Variants in ANKS1A observed in about 807,000 individuals in gnomAD.
ANKS1A encodes ankyrin repeat and SAM domain-containing protein 1A.
ANKS1A carries 55 observed loss-of-function variants against 120.3 expected under a neutral mutation model. The observed-to-expected ratio is 0.46, with a 90% CI of 0.37 to 0.57. ANKS1A has a LOEUF of 0.57. ANKS1A is among the 20% of genes least tolerant of loss of function. The pLI, the probability that ANKS1A is intolerant of heterozygous loss-of-function variation, is 0.00. For synonymous variants in ANKS1A, 590 were observed against 604.7 expected, an observed-to-expected ratio of 0.98 and a Z score of 0.36; for missense variants, 1,123 against 1,480.3, an observed-to-expected ratio of 0.76 and a Z score of 3.96.
chr6:34,993,737 G>A (rs1268229156), intron 9 of ANKS1A, among the ~76,000 whole-genome samples: 1 of 152,188 alleles, frequency 6.6e-6, no homozygotes, highest in South Asian at 2.1e-4. Flanking sequence ...TCTTGAGGAG[G>A]TGGGAAGGAT....
chr6:34,991,396 G>T (rs146735379), intron 9 of ANKS1A, among the ~76,000 whole-genome samples: 1 of 151,970 alleles, frequency 6.6e-6, no homozygotes, highest in Non-Finnish European at 1.5e-5. Context: ...ATTCATGGAA[G>T]TTGCAGCTGC....
intron 8 of ANKS1A, among the ~76,000 whole-genome samples, chr6:34,988,184 C>T (rs1711901388): frequency 6.6e-6 from 1 of 152,218 alleles, no homozygotes; most frequent in Admixed American, 6.5e-5. Context: ...TGGAGCATAG[C>T]CACACTCATT....
In ANKS1A at chr6:35,082,587, T is replaced by C. The variant is rs1777743347; in HGVS notation, c.2710-104T>C. 2.8e-6 allele frequency: 4 copies of C among 1,436,456 alleles called. No homozygotes were observed. The South Asian group carries it at 5.7e-5, about 20-fold the overall frequency. The allele number at this position is 1,436,456 out of a possible 1,614,324, so 89.0% of individuals were successfully genotyped here. A position where few individuals can be genotyped will look rare whatever the true frequency, so the allele number is the denominator to read the frequency against. On this transcript the variant is annotated intron_variant, in intron 17 of 23. Transcript: ENST00000360359. This position sits in a 1 kb window ranked among gnomAD's most constrained non-coding sequence, Gnocchi z 4.1. ...ATCTCCACTCGACCCTTGAACTTGCTAAGGTCACTGGCATCTTCACCCTTG... is the reference window on the plus strand; with the variant it reads ...ATCTCCACTCGACCCTTGAACTTGCCAAGGTCACTGGCATCTTCACCCTTG...
chr6:35,031,404 T>C (rs1774903430), intron 11 of ANKS1A, among the ~76,000 whole-genome samples: 1 of 152,216 alleles, frequency 6.6e-6, no homozygotes, highest in African/African-American at 2.4e-5. Flanking sequence ...AAAGATGCTT[T>C]TGTACCAATT....
intron 11 of ANKS1A, among the ~76,000 whole-genome samples, chr6:35,028,998 C>A (rs1774765616): frequency 6.6e-6 from 1 of 152,204 alleles, no homozygotes; most frequent in African/African-American, 2.4e-5. Flanking sequence ...AACACCTTAT[C>A]AACATGAGGG....
At chr6:35,008,245 C>T (rs1421821952) in intron 10 of ANKS1A, among the ~76,000 whole-genome samples, 6 of 151,678 alleles carry the variant, frequency 4.0e-5, no homozygotes, top group Non-Finnish European at 8.8e-5. Context: ...GACGGGGTCT[C>T]GCTCCATTGC....
chr6:34,912,729 TA>T (rs1767965973), intron 1 of ANKS1A, among the ~76,000 whole-genome samples: 3 of 152,100 alleles, frequency 2.0e-5, no homozygotes, highest in Admixed American at 1.3e-4. Flanking sequence ...GATTCTTTGA[TA>T]CTGTGGTTAG....
At position 34,983,353 on chromosome 6, in the gene ANKS1A, G is replaced by C; in HGVS notation, c.940G>C (p.Glu314Gln). The C allele has an allele frequency of 6.2e-7, 1 of 1,614,034 alleles. No homozygotes were observed. Among genetic ancestry groups the C allele is most frequent in the Non-Finnish European group, 8.5e-7 (1 of 1,179,990 alleles). The stretch of plus-strand genomic sequence containing the variant: ...CATGACTGGAAAAAGAAGTACAAAA[G>C]AAGTAGATAAAACCCCCCCACCCCA... ...DHMTGKRSTK[E>Q]VDKTPPPQPP... The change falls in exon 7 of 24, where the codon GAA becomes CAA. Residue 314 changes from glutamate to glutamine, a missense_variant. Transcript: ENST00000360359.
At chr6:34,997,964 G>A (rs894230756) in intron 10 of ANKS1A, among the ~76,000 whole-genome samples, 3 of 152,184 alleles carry the variant, frequency 2.0e-5, no homozygotes, top group African/African-American at 7.2e-5. Context: ...TTGAGAGTGG[G>A]TGGTATAGAA....
chr6:35,079,345 C>T (rs1290202499), intron 14 of ANKS1A, among the ~76,000 whole-genome samples, 171 bp from the exon 15 acceptor site: 1 of 152,116 alleles, frequency 6.6e-6, no homozygotes, highest in African/African-American at 2.4e-5. Flanking sequence ...AAGCCGAGAC[C>T]AGCAAGTGAT....
intron 11 of ANKS1A, among the ~76,000 whole-genome samples, chr6:35,021,462 C>T (rs1022368165): frequency 1.3e-5 from 2 of 152,188 alleles, no homozygotes; most frequent in East Asian, 1.9e-4. Flanking sequence ...ATCTCCACCT[C>T]GGTGCATGGA....
chr6:34,895,092 A>G (rs578150269), intron 1 of ANKS1A, among the ~76,000 whole-genome samples: 21 of 152,198 alleles, frequency 1.4e-4, no homozygotes. Context: ...TGAAAAATGG[A>G]CCTCATTTGG....
rs560408400 is a variant in ANKS1A at position 34,978,284 on chromosome 6, G to A, written c.436-3406G>A. Among the ~76,000 whole-genome samples the A allele has an allele frequency of 5.6e-4, 85 of 152,272 alleles. 1 individual carries two copies. Among genetic ancestry groups the A allele is most frequent in the Middle Eastern group, 3.4e-3 (1 of 294 alleles). On this transcript the variant is annotated intron_variant, in intron 3 of 23. Transcript: ENST00000360359. ...AGTGGGTCTTAAGATGAGTAGGAAT[G>A]GAGAATTTGTGCAAAAGCATTGGGG...
intron 3 of ANKS1A, chr6:34,972,759 TGTC>T (rs1771248729): frequency 2.6e-6 from 1 of 379,834 alleles, no homozygotes; most frequent in Admixed American, 6.4e-5. Context: ...TGCTGACTGT[TGTC>T]TGCTTCAGTC....
At chr6:35,053,526 C>T (rs530206666) in intron 11 of ANKS1A, among the ~76,000 whole-genome samples, 149 of 152,374 alleles carry the variant, frequency 9.8e-4, no homozygotes, top group African/African-American at 3.6e-3. Context: ...CCATTTGGGC[C>T]TAAGTGCCTG....
At chr6:35,001,617 A>G (rs1773170946) in intron 10 of ANKS1A, among the ~76,000 whole-genome samples, 2 of 152,266 alleles carry the variant, frequency 1.3e-5, no homozygotes, top group African/African-American at 4.8e-5. Context: ...ACGACAGGGA[A>G]GAAATTTAGC....
chr6:34,950,949 CTT>C (rs879926798), intron 1 of ANKS1A, among the ~76,000 whole-genome samples: 9 of 152,212 alleles, frequency 5.9e-5, no homozygotes, highest in Non-Finnish European at 1.2e-4. Flanking sequence ...CAAGCAGAGT[CTT>C]TGCCAGTGTG....
Position 35,062,634 on chromosome 6 carries a change from C to T in ANKS1A, c.2184+2381C>T, listed in dbSNP as rs573008623. Among the ~76,000 whole-genome samples the T allele has an allele frequency of 1.2e-3, 188 of 152,268 alleles. 2 individuals carry two copies. Among genetic ancestry groups the T allele is most frequent in the Admixed American group, 5.7e-3 (87 of 15,296 alleles). On this transcript the variant is annotated intron_variant, in intron 13 of 23. Transcript: ENST00000360359. ...GACAGTCATGGTGTTGCTGTGGGAT[C>T]TCCCTGTGATAGGGCCCTGCGAGTT...
chr6:34,976,278 T>C (rs1025459174), intron 3 of ANKS1A, among the ~76,000 whole-genome samples: 1 of 152,166 alleles, frequency 6.6e-6, no homozygotes, highest in Non-Finnish European at 1.5e-5. Context: ...CAGGCACCTG[T>C]ACAAATTAAG....
Sources: allele counts gnomAD v4.1 joint callset (sites outside exome capture counted in the v4.1 genomes callset), GRCh38; gene constraint gnomAD v4.1.1; non-coding constraint Gnocchi (gnomAD v3.1); transcripts MANE v1.5; gene names NCBI Gene and HGNC (gene_info 2026-07-23, HGNC 2026-07-21).